SLC2A9: variants seen among roughly 807,000 people sequenced by gnomAD.
The protein encoded by SLC2A9 is solute carrier family 2 member 9.
A neutral mutation model predicts 50.6 loss-of-function variants in SLC2A9; 39 were observed. That is an observed-to-expected ratio of 0.77 (90% CI 0.60 to 1.01). The LOEUF is 1.01. Among genes scored for constraint, SLC2A9 ranks in the 50% least tolerant of loss-of-function variants. SLC2A9 has a pLI of 0.00. For synonymous variants in SLC2A9, 324 were observed against 276.9 expected (o/e 1.17, Z -1.69); for missense variants, 686 against 677.6 (o/e 1.01, Z -0.14).
intron 10 of SLC2A9, among the ~76,000 whole-genome samples, chr4:9,875,974 C>G (rs114420705): frequency 3.5e-4 from 54 of 152,256 alleles, no homozygotes; most frequent in African/African-American, 1.2e-3. Flanking sequence ...GTTGAATTTG[C>G]CTGTTTGGTT....
chr4:9,822,921 T>C (rs1234810377), downstream of SLC2A9, among the ~76,000 whole-genome samples: 1 of 152,190 alleles, frequency 6.6e-6, no homozygotes, highest in African/African-American at 2.4e-5. Context: ...CATTGCACAG[T>C]TTCTAAAACT....
chr4:10,034,824 C>G (rs931304904), intron 1 of SLC2A9: 20 of 152,418 alleles, frequency 1.3e-4, no homozygotes, highest in African/African-American at 4.8e-4. Context: ...CCCAAAGTCA[C>G]ACAGCAAGAA....
chr4:9,791,935 A>C (rs1436388594), intron 3 of SLC2A9, among the ~76,000 whole-genome samples: 1 of 152,226 alleles, frequency 6.6e-6, no homozygotes, highest in Non-Finnish European at 1.5e-5. Flanking sequence ...GATAACTAAT[A>C]TAGAAGAAAA....
At chr4:10,030,965 G>C (rs1311770547) in intron 1 of SLC2A9, among the ~76,000 whole-genome samples, 1 of 152,096 alleles carries the variant, frequency 6.6e-6, no homozygotes, top group South Asian at 2.1e-4. Context: ...TAGCTGCAGA[G>C]AACTCAACCC....
intron 5 of SLC2A9, among the ~76,000 whole-genome samples, chr4:9,967,249 G>C (rs1560403755): frequency 6.6e-6 from 1 of 152,086 alleles, no homozygotes; most frequent in Non-Finnish European, 1.5e-5. Flanking sequence ...ACATCAGGTT[G>C]CAAAATAATC....
chr4:9,796,154 A>G (rs750337217), downstream of SLC2A9, among the ~76,000 whole-genome samples: 13 of 152,130 alleles, frequency 8.5e-5, no homozygotes, highest in Non-Finnish European at 1.3e-4. Flanking sequence ...TCACGCTCCC[A>G]TAGACTTAAG....
At chr4:9,986,076 G>A (rs1231486557) in intron 3 of SLC2A9, among the ~76,000 whole-genome samples, 2 of 152,242 alleles carry the variant, frequency 1.3e-5, no homozygotes, top group Non-Finnish European at 2.9e-5. Flanking sequence ...CATTTCTGAA[G>A]TCAGTGGTCA....
At chr4:9,801,011 C>A (rs550325711) in intron 3 of SLC2A9, among the ~76,000 whole-genome samples, 1 of 152,266 alleles carries the variant, frequency 6.6e-6, no homozygotes, top group Admixed American at 6.5e-5. Context: ...GCTACCATGA[C>A]ACCAGCAGAA....
chr4:9,928,770 C>A (rs555943553), intron 6 of SLC2A9, among the ~76,000 whole-genome samples: 1 of 152,034 alleles, frequency 6.6e-6, no homozygotes, highest in Non-Finnish European at 1.5e-5. Flanking sequence ...AAAAAACTCT[C>A]GGATCTGCAC....
intron 6 of SLC2A9, among the ~76,000 whole-genome samples, chr4:9,932,164 G>A (rs1746268671): frequency 6.6e-6 from 1 of 151,180 alleles, no homozygotes; most frequent in South Asian, 2.1e-4. Context: ...CTTCTCCTCT[G>A]GGTGAAACTG....
At chr4:9,784,283 T>A (rs1397356833) in intron 3 of SLC2A9, among the ~76,000 whole-genome samples, 1 of 93,382 alleles carries the variant, frequency 1.1e-5, no homozygotes, top group Non-Finnish European at 2.2e-5. Flanking sequence ...AGACCAGATG[T>A]TTTTTTTCTC....
intron 5 of SLC2A9, among the ~76,000 whole-genome samples, chr4:9,967,493 G>A (rs6449179): frequency 0.48 from 73,374 of 151,670 alleles, 19,095 homozygotes; most frequent in African/African-American, 0.67. Context: ...TCTGATTTCT[G>A]CATATAATTC....
chr4:9,919,604 C>G (rs532114275), intron 7 of SLC2A9, among the ~76,000 whole-genome samples: 1 of 152,266 alleles, frequency 6.6e-6, no homozygotes, highest in Non-Finnish European at 1.5e-5. Flanking sequence ...TTCTCCCTCT[C>G]TCTGGGTTCA....
chr4:9,908,121 C>T (rs766017898), intron 8 of SLC2A9, 114 bp downstream of exon 8: 1 of 793,290 alleles, frequency 1.3e-6, no homozygotes, highest in Non-Finnish European at 2.3e-6. Context: ...CCACATTGTC[C>T]TAATTGATGA....
intron 10 of SLC2A9, chr4:9,879,609 A>G (rs1734871579): frequency 1.0e-6 from 1 of 985,254 alleles, no homozygotes; most frequent in Middle Eastern, 5.2e-4. Context: ...GGACCGCTCC[A>G]TCTTCTGGGG....
At chr4:9,976,062 TA>T (rs1043877841) in intron 5 of SLC2A9, among the ~76,000 whole-genome samples, 2 of 152,082 alleles carry the variant, frequency 1.3e-5, no homozygotes, top group African/African-American at 2.4e-5. Context: ...CTCATGGACA[TA>T]AAGATGGCAA....
rs754198106 is a variant in SLC2A9 at position 9,849,827 on chromosome 4, G to GT, written c.1292-14820dup. 2.6e-5 allele frequency among the ~76,000 whole-genome samples: 4 copies of GT among 152,248 alleles called. No homozygotes were observed. The East Asian group carries it at 7.7e-4, about 29-fold the overall frequency. ...GACCTGTTTCTAAGCTTGGTGAGGA[G>GT]TTTCTGTTTCAATAGAGACGGAGGT... On this transcript the variant is annotated intron_variant, in intron 10 of 11. Transcript: ENST00000264784.
downstream of SLC2A9, among the ~76,000 whole-genome samples, chr4:9,774,813 C>A (rs1829410): frequency 6.6e-6 from 1 of 151,794 alleles, no homozygotes; most frequent in Non-Finnish European, 1.5e-5. Flanking sequence ...CTCCCTACTT[C>A]TTTCTCTTTC....
At chr4:9,792,163 C>CTAT (rs1553810259) in intron 3 of SLC2A9, among the ~76,000 whole-genome samples, 3 of 77,224 alleles carry the variant, frequency 3.9e-5, no homozygotes, top group Non-Finnish European at 7.1e-5. Flanking sequence ...TTCTATGTTT[C>CTAT]TTTTTTTTTT....
Sources: gnomAD v4.1 joint callset for allele counts (sites outside exome capture counted in the v4.1 genomes callset) on GRCh38, gnomAD v4.1.1 for gene constraint, MANE v1.5 for transcripts, NCBI Gene and HGNC (gene_info 2026-07-23, HGNC 2026-07-21) for gene names.